Variants in GRM8 observed in about 807,000 individuals in gnomAD.
GRM8 encodes metabotropic glutamate receptor 8.
GRM8 carries 47 observed loss-of-function variants against 87.2 expected under a neutral mutation model. The ratio of observed to expected loss-of-function variants is 0.54; its 90% CI spans 0.43 to 0.69. The LOEUF is 0.69. Among genes scored for constraint, GRM8 ranks in the 30% least tolerant of loss-of-function variants. The pLI, the probability that GRM8 is intolerant of heterozygous loss-of-function variation, is 0.00. For synonymous variants in GRM8, 396 were observed against 404.5 expected, an observed-to-expected ratio of 0.98 and a Z score of 0.25; for missense variants, 1,019 against 1,139.2, an observed-to-expected ratio of 0.89 and a Z score of 1.52.
At chr7:126,705,877 T>A (rs1810457819) in intron 7 of GRM8, among the ~76,000 whole-genome samples, 1 of 152,182 alleles carries the variant, frequency 6.6e-6, no homozygotes. Flanking sequence ...GTTTTTTTAA[T>A]GAGTTTTCAC....
intron 3 of GRM8, chr7:127,084,681 C>A (rs1267689119): frequency 6.6e-6 from 1 of 152,140 alleles, no homozygotes; most frequent in Non-Finnish European, 1.5e-5. Flanking sequence ...TGATTCTAAG[C>A]CTCACTCACC....
At chr7:126,772,619 T>C (rs1585872320) in intron 6 of GRM8, among the ~76,000 whole-genome samples, 2 of 152,232 alleles carry the variant, frequency 1.3e-5, no homozygotes, top group African/African-American at 4.8e-5. Flanking sequence ...ACTATAGATC[T>C]ATTGTTTAGA....
At position 127,206,314 on chromosome 7, in the gene GRM8, C is replaced by A. The variant is rs534973146; in HGVS notation, c.510+36381G>T. Among the ~76,000 whole-genome samples, 68 of 152,278 alleles carry A rather than the reference C, an allele frequency of 4.5e-4. No individual in the cohort carries two copies. In the Middle Eastern group the frequency reaches 0.014, roughly 30 times the overall value. On this transcript the variant is annotated intron_variant, in intron 2 of 10. Transcript: ENST00000339582. Reference sequence around the variant, plus strand: ...AATGCGGTGAAGACCTCTCTCAGAACAGCCGGAGTATATTAATCCATTTAA... The same window carrying A: ...AATGCGGTGAAGACCTCTCTCAGAAAAGCCGGAGTATATTAATCCATTTAA...
chr7:126,833,475 A>T (rs1402335508), intron 6 of GRM8, among the ~76,000 whole-genome samples: 1 of 152,236 alleles, frequency 6.6e-6, no homozygotes, highest in African/African-American at 2.4e-5. Context: ...TAACAGACAT[A>T]TAATTCTCAC....
At chr7:127,199,441 A>G (rs999456255) in intron 2 of GRM8, among the ~76,000 whole-genome samples, 1 of 152,264 alleles carries the variant, frequency 6.6e-6, no homozygotes, top group East Asian at 1.9e-4. Flanking sequence ...GTGACTAGTT[A>G]GTCCCTTCTT....
chr7:126,951,709 A>G (rs1405884404), intron 3 of GRM8, among the ~76,000 whole-genome samples: 1 of 152,088 alleles, frequency 6.6e-6, no homozygotes, highest in African/African-American at 2.4e-5. Context: ...CAAACAAAGA[A>G]GTAAACATAT....
chr7:127,068,205 A>G (rs1372462125), intron 3 of GRM8, among the ~76,000 whole-genome samples: 1 of 152,192 alleles, frequency 6.6e-6, no homozygotes, highest in Non-Finnish European at 1.5e-5. Context: ...TGTGCTCAAA[A>G]GATGTGGGTG....
intron 7 of GRM8, among the ~76,000 whole-genome samples, chr7:126,715,432 T>C (rs1811620044): frequency 6.6e-6 from 1 of 152,230 alleles, no homozygotes; most frequent in Non-Finnish European, 1.5e-5. Context: ...AACGGCACCA[T>C]GTATGGTCTG....
intron 1 of GRM8, among the ~76,000 whole-genome samples, chr7:127,246,147 T>G (rs1368952284): frequency 1.3e-5 from 2 of 152,224 alleles, no homozygotes; most frequent in African/African-American, 2.4e-5. Context: ...TAGTTTCCCC[T>G]TTTAAAAAAC....
chr7:126,666,545 G>A (rs1805785374), intron 7 of GRM8, among the ~76,000 whole-genome samples: 1 of 152,148 alleles, frequency 6.6e-6, no homozygotes, highest in African/African-American at 2.4e-5. Flanking sequence ...AACATTAAGA[G>A]GCTGATGTAT....
intron 3 of GRM8, among the ~76,000 whole-genome samples, chr7:126,957,185 G>A (rs527741970): frequency 5.3e-4 from 80 of 151,554 alleles, no homozygotes; most frequent in African/African-American, 1.9e-3. Flanking sequence ...CTCAATCACA[G>A]AGTTAAAAAA....
Position 127,243,195 on chromosome 7 carries a change from C to T in GRM8, c.10G>A (p.Glu4Lys), listed in dbSNP as rs140993974. The change falls in exon 2 of 11, where the codon GAG (glutamate) becomes AAG (lysine). Residue 4 changes from glutamate to lysine, a missense_variant. Glu to Lys is a moderately conservative substitution (Grantham distance 56). Transcript: ENST00000339582. MVC[E>K]GKRSASCPCF... ...GGGCAAGAGGCTGATCGCTTTCCCT[C>T]GCATACCATTTTCTCCACAGGTGGT... is the stretch of plus-strand genomic sequence containing the variant. 15 of 1,605,464 alleles carry T rather than the reference C, an allele frequency of 9.3e-6. No homozygotes were observed. Among genetic ancestry groups the T allele is most frequent in the African/African-American group, 8.0e-5 (6 of 74,890 alleles).
At chr7:126,945,583 T>C (rs1395578418) in intron 3 of GRM8, among the ~76,000 whole-genome samples, 1 of 152,184 alleles carries the variant, frequency 6.6e-6, no homozygotes, top group Non-Finnish European at 1.5e-5. Flanking sequence ...TCTATACATA[T>C]AAGGTGGACA....
At chr7:126,800,816 C>T (rs1038208871) in intron 6 of GRM8, among the ~76,000 whole-genome samples, 2 of 151,772 alleles carry the variant, frequency 1.3e-5, no homozygotes, top group East Asian at 1.9e-4. Flanking sequence ...TAGTCAGAAG[C>T]CTTAAAAAGA....
chr7:126,580,674 T>C (rs1224826238), intron 8 of GRM8, among the ~76,000 whole-genome samples: 1 of 152,148 alleles, frequency 6.6e-6, no homozygotes, highest in African/African-American at 2.4e-5. Context: ...CAACTTATTG[T>C]TAATCATAGT....
intron 7 of GRM8, among the ~76,000 whole-genome samples, chr7:126,658,101 G>C (rs1374928754): frequency 6.6e-6 from 1 of 152,174 alleles, no homozygotes; most frequent in African/African-American, 2.4e-5. Context: ...GTTCAAAAGG[G>C]GAAACAGGAA....
chr7:126,692,543 T>G (rs1808942798), intron 7 of GRM8, among the ~76,000 whole-genome samples: 2 of 152,164 alleles, frequency 1.3e-5, no homozygotes, highest in Non-Finnish European at 2.9e-5. Flanking sequence ...ACATGGAAGG[T>G]GTGTTCAATA....
Position 126,788,420 on chromosome 7 carries a change from A to AAAACAAAAAAAAAACAAAAAAAAAAAAC in GRM8, c.1157-18356_1157-18355insGTTTTTTTTTTTTGTTTTTTTTTTGTTT, listed in dbSNP as rs1554492197. On this transcript the variant is annotated intron_variant, in intron 6 of 10. Transcript: ENST00000339582. ...GCAAGACTCCATCTCAAAAAAAAAA[A>AAAACAAAAAAAAAACAAAAAAAAAAAAC]AAACCCTTTCAGATATCTTTAACAT... 2.2e-3 allele frequency among the ~76,000 whole-genome samples: 180 copies of AAAACAAAAAAAAAACAAAAAAAAAAAAC among 81,122 alleles called. 13 individuals are homozygous for AAAACAAAAAAAAAACAAAAAAAAAAAAC. The highest frequency in any genetic ancestry group is 8.1e-3 in the African/African-American group (177 of 21,812). The allele number at this position is 81,122 out of a possible 152,430, so 53.2% of individuals were successfully genotyped here.
chr7:126,713,001 G>T (rs762254319), intron 7 of GRM8, among the ~76,000 whole-genome samples: 1 of 152,160 alleles, frequency 6.6e-6, no homozygotes, highest in Non-Finnish European at 1.5e-5. Flanking sequence ...TTTGGTGGGA[G>T]TGTAAATTAA....
Sources: gnomAD v4.1 joint callset for allele counts (sites outside exome capture counted in the v4.1 genomes callset) on GRCh38, gnomAD v4.1.1 for gene constraint, MANE v1.5 for transcripts, NCBI Gene and HGNC (gene_info 2026-07-23, HGNC 2026-07-21) for gene names.